Variants in NBEA observed in about 807,000 individuals in gnomAD.
NBEA encodes the protein lysosomal-trafficking regulator 2.
Under a neutral mutation model 343.4 loss-of-function variants are expected in NBEA, and 44 were observed. The observed-to-expected ratio is 0.13, with a 90% confidence interval of 0.10 to 0.16. The LOEUF (loss-of-function observed/expected upper bound fraction) is 0.16. Among genes scored for constraint, NBEA ranks in the 10% least tolerant of loss-of-function variants. NBEA has a pLI of 1.00. For missense variants in NBEA, 2,555 were observed against 3,631.3 expected (o/e 0.70, Z 7.62); for synonymous variants, 1,175 against 1,238.7 (o/e 0.95, Z 1.08).
At chr13:35,039,483 T>A (rs1194700062) in intron 1 of NBEA, among the ~76,000 whole-genome samples, 1 of 152,198 alleles carries the variant, frequency 6.6e-6, no homozygotes, top group Non-Finnish European at 1.5e-5. Context: ...TATATGAGAT[T>A]GTAATGTTTA....
chr13:34,981,953 TTCTC>T (rs144982548), intron 1 of NBEA, among the ~76,000 whole-genome samples: 100 of 149,278 alleles, frequency 6.7e-4, no homozygotes, highest in South Asian at 3.4e-3. Flanking sequence ...ATGTTCTCTC[TTCTC>T]TCTCTCTCTC....
chr13:35,128,952 C>A (rs1165403930), intron 17 of NBEA, among the ~76,000 whole-genome samples: 10 of 151,164 alleles, frequency 6.6e-5, no homozygotes. Flanking sequence ...AAAGATAAAG[C>A]CTTAGAAAAT....
chr13:34,976,046 C>G (rs956781584), intron 1 of NBEA, among the ~76,000 whole-genome samples: 5 of 151,744 alleles, frequency 3.3e-5, no homozygotes, highest in South Asian at 2.1e-4. Flanking sequence ...GTAGATCTAC[C>G]CTTTGATCCA....
intron 34 of NBEA, among the ~76,000 whole-genome samples, chr13:35,241,054 A>G (rs2030174757): frequency 6.6e-6 from 1 of 151,894 alleles, no homozygotes; most frequent in South Asian, 2.1e-4. Context: ...AAGTTATTTC[A>G]GTCCATGTTA....
intron 46 of NBEA, 95 bp downstream of exon 46, chr13:35,584,133 C>A: frequency 8.3e-7 from 1 of 1,201,430 alleles, no homozygotes. Flanking sequence ...ATTTGATTAA[C>A]AAAGATTAGA....
intron 49 of NBEA, among the ~76,000 whole-genome samples, chr13:35,639,494 A>C (rs9565436): frequency 0.2 from 30,149 of 151,958 alleles, 3,711 homozygotes; most frequent in East Asian, 0.45. Context: ...GCATTGGTAG[A>C]ATTGCAGGTG....
intron 36 of NBEA, among the ~76,000 whole-genome samples, chr13:35,336,497 A>G (rs914315242): frequency 3.3e-5 from 5 of 152,150 alleles, no homozygotes; most frequent in Admixed American, 3.3e-4. Flanking sequence ...CAGAATTACC[A>G]TTTAACCCAG....
At chr13:35,616,112 T>C (rs2082727402) in intron 48 of NBEA, among the ~76,000 whole-genome samples, 1 of 152,014 alleles carries the variant, frequency 6.6e-6, no homozygotes, top group South Asian at 2.1e-4. Context: ...GAATGAGGAG[T>C]CTGAGGCCTA....
intron 30 of NBEA, among the ~76,000 whole-genome samples, chr13:35,184,659 C>T (rs934293381): frequency 1.3e-5 from 2 of 151,540 alleles, no homozygotes; most frequent in African/African-American, 4.8e-5. Context: ...CAGATACGGA[C>T]ATTATAGAAG....
chr13:35,117,239 TG>T (rs1156848045), intron 13 of NBEA, among the ~76,000 whole-genome samples, 174 bp from the exon 14 acceptor site: 2 of 151,732 alleles, frequency 1.3e-5, no homozygotes, highest in Non-Finnish European at 2.9e-5. Flanking sequence ...GTCAAAAATT[TG>T]AAAGTTAATT....
chr13:35,264,331 A>G (rs906314819), intron 34 of NBEA, among the ~76,000 whole-genome samples: 4 of 151,960 alleles, frequency 2.6e-5, no homozygotes, highest in East Asian at 1.9e-4. Flanking sequence ...TTAAACAACT[A>G]AAGTGTTTAT....
At position 35,232,514 on chromosome 13, in the gene NBEA, G is replaced by A. The variant is rs909569545; in HGVS notation, c.5671G>A (p.Ala1891Thr). Residue 1891 changes from alanine (A) to threonine (T), a missense_variant, in exon 34 of 59, where the codon GCG becomes ACG. Transcript: ENST00000379939. ...NMSITAKLERALEKVAPLLRE... is the reference protein window; with the variant it reads ...NMSITAKLERTLEKVAPLLRE... Reference sequence around the variant, plus strand: ...CAGCATCACTGCAAAACTTGAAAGAGCGTTAGAAAAAGTTGCTCCTCTTCT... The same window carrying A: ...CAGCATCACTGCAAAACTTGAAAGAACGTTAGAAAAAGTTGCTCCTCTTCT... 1.9e-6 allele frequency: 3 copies of A among 1,547,198 alleles called. No individual in the cohort carries two copies. The highest frequency in any genetic ancestry group is 2.6e-6 in the Non-Finnish European group (3 of 1,144,230).
chr13:35,552,334 A>T (rs1276173292), intron 43 of NBEA, among the ~76,000 whole-genome samples: 2 of 152,164 alleles, frequency 1.3e-5, no homozygotes, highest in African/African-American at 4.8e-5. Flanking sequence ...CAACTTATCT[A>T]TTCTCTTTAA....
intron 44 of NBEA, among the ~76,000 whole-genome samples, chr13:35,566,596 A>C (rs1382331025): frequency 6.6e-6 from 1 of 152,184 alleles, no homozygotes; most frequent in Admixed American, 6.5e-5. Flanking sequence ...GTAGATGAGA[A>C]CTAAATCCTG....
intron 33 of NBEA, among the ~76,000 whole-genome samples, chr13:35,216,157 TTA>T (rs916359350): frequency 8.6e-4 from 130 of 151,956 alleles, no homozygotes; most frequent in Middle Eastern, 3.4e-3. Flanking sequence ...ATTAATATTT[TTA>T]GAGTGTTTTT....
At chr13:35,667,230 G>T in intron 56 of NBEA, 144 bp from the exon 57 acceptor site, 1 of 644,590 alleles carries the variant, frequency 1.6e-6, no homozygotes, top group Non-Finnish European at 2.7e-6. Flanking sequence ...TGTAGCATCA[G>T]CGCTTGGCCT....
intron 58 of NBEA, among the ~76,000 whole-genome samples, chr13:35,669,584 C>T (rs79367441): frequency 6.6e-6 from 1 of 152,194 alleles, no homozygotes; most frequent in African/African-American, 2.4e-5. Flanking sequence ...TGCTGCAGCC[C>T]ATACTTAGGA....
At chr13:35,460,111 T>C (rs2046820191) in intron 40 of NBEA, among the ~76,000 whole-genome samples, 1 of 152,192 alleles carries the variant, frequency 6.6e-6, no homozygotes, top group Admixed American at 6.5e-5. Flanking sequence ...CTGATACTTG[T>C]ATTTAGGGGG....
At position 35,157,172 on chromosome 13, in the gene NBEA, G is replaced by T; in HGVS notation, c.2746G>T (p.Val916Phe). Residue 916 changes from valine to phenylalanine, a missense_variant, in exon 21 of 59, where the codon GTC (valine) becomes TTC (phenylalanine). Physicochemically the swap from Val to Phe is conservative, Grantham distance 50. Around this residue, in one of 21 missense-constraint regions of NBEA, gnomAD observed 360 missense variants for 519.1 expected, o/e 0.69. Transcript: ENST00000379939. ...NSEEQKITEMVYNIFRILLYH... is the reference protein window; with the variant it reads ...NSEEQKITEMFYNIFRILLYH... The stretch of plus-strand genomic sequence containing the variant: ...TGAGGAACAGAAGATTACCGAAATG[G>T]TCTACAATATCTTCCGGATTCTTTT... 6.2e-7 allele frequency: 1 copy of T among 1,610,190 alleles called. No homozygotes were observed. Among genetic ancestry groups the T allele is most frequent in the Non-Finnish European group, 8.5e-7 (1 of 1,177,830 alleles).
Sources: allele counts gnomAD v4.1 joint callset (sites outside exome capture counted in the v4.1 genomes callset), GRCh38; gene constraint gnomAD v4.1.1; regional missense constraint gnomAD v4.1.1; transcripts MANE v1.5; gene names NCBI Gene and HGNC (gene_info 2026-07-23, HGNC 2026-07-21).